ZNF641: variants seen among roughly 807,000 people sequenced by gnomAD.
The protein encoded by ZNF641 is zinc finger protein 641.
Under a neutral mutation model 46.2 loss-of-function variants are expected in ZNF641, and 26 were observed. That is an observed-to-expected ratio of 0.56 (90% CI 0.41 to 0.78). The LOEUF is 0.78. ZNF641 is among the 30% of genes least tolerant of loss of function. The probability of loss-of-function intolerance (pLI) is 0.00; values close to 1 mark genes in which losing one functional copy is unlikely to be tolerated. For synonymous variants in ZNF641, 163 were observed against 187.9 expected (o/e 0.87, Z 1.09); for missense variants, 469 against 517.8 (o/e 0.91, Z 0.91).
chr12:48,336,405 T>C (rs538971974), downstream of ZNF641, among the ~76,000 whole-genome samples: 24 of 152,320 alleles, frequency 1.6e-4, no homozygotes, highest in South Asian at 3.9e-3. Flanking sequence ...AGGAAACTTA[T>C]GAGGCCCAAG....
In ZNF641 at chr12:48,342,983, G is replaced by A; in HGVS notation, c.1265C>T (p.Ser422Phe). The change falls in exon 6 of 6, where the codon TCT becomes TTT. Residue 422 changes from serine (S) to phenylalanine (F), a missense_variant. Physicochemically the swap from Ser to Phe is radical, Grantham distance 155. Coordinates refer to ENST00000547026, the MANE Select transcript of ZNF641 (RefSeq NM_001172681.2). The stretch of plus-strand genomic sequence containing the variant: ...TAGTGGAAACAGATTTCAAAAGACA[G>A]ATGTTCCTCTGTCCCAGCTGTTCCG... ...SPRNSWDRGT[S>F]VF is the part of the protein sequence containing the mutation. The A allele has an allele frequency of 6.2e-7, 1 of 1,611,182 alleles. No homozygotes were observed. Among genetic ancestry groups the A allele is most frequent in the Non-Finnish European group, 8.5e-7 (1 of 1,178,466 alleles).
chr12:48,348,463 C>A (rs1452598398), intron 1 of ZNF641, among the ~76,000 whole-genome samples: 1 of 152,096 alleles, frequency 6.6e-6, no homozygotes, highest in Non-Finnish European at 1.5e-5. Context: ...ACATGAAGTA[C>A]AGGAAAGTAA....
At position 48,343,724 on chromosome 12, in the gene ZNF641, T is replaced by A; in HGVS notation, c.524A>T (p.Asp175Val). 6.8e-7 allele frequency: 1 copy of A among 1,473,740 alleles called. No homozygotes were observed. Among genetic ancestry groups the A allele is most frequent in the Non-Finnish European group, 9.0e-7 (1 of 1,109,840 alleles). The allele number at this position is 1,473,740 out of a possible 1,614,324, so 91.3% of individuals were successfully genotyped here. A position where few individuals can be genotyped will look rare whatever the true frequency, so the allele number is the denominator to read the frequency against. Residue 175 changes from aspartate to valine, a missense_variant, in exon 6 of 6, where the codon GAT becomes GTT. Asp to Val is a radical substitution (Grantham distance 152). This residue lies in a region of ZNF641 where 346 missense variants were observed against 354.0 expected (regional missense o/e 0.98). Coordinates refer to ENST00000547026, the MANE Select transcript of ZNF641 (RefSeq NM_001172681.2). Reference sequence around the variant, plus strand: ...GGTATCCCCCTCATGTTCACTTCCATCTCCTGCGGAGAAGGGGAAATACCA... The same window carrying A: ...GGTATCCCCCTCATGTTCACTTCCAACTCCTGCGGAGAAGGGGAAATACCA... Reference protein sequence around the residue: ...RDILRVTYTGDGSEHEGDTPE... With the variant: ...RDILRVTYTGVGSEHEGDTPE...
In ZNF641 at chr12:48,342,003, T is replaced by C; in HGVS notation, c.*970A>G. Reference sequence around the variant, plus strand: ...CCCAGAACACAGCCCCTAGAAAACCTAGCTTGTACAGTTTGCACATAGCAT... The same window carrying C: ...CCCAGAACACAGCCCCTAGAAAACCCAGCTTGTACAGTTTGCACATAGCAT... On this transcript the variant is annotated 3_prime_UTR_variant, in exon 6 of 6. Transcript: ENST00000547026. The C allele has an allele frequency of 1.0e-6, 1 of 985,428 alleles. No individual in the cohort carries two copies. Among genetic ancestry groups the C allele is most frequent in the Non-Finnish European group, 1.2e-6 (1 of 829,946 alleles). 61.0% of individuals were successfully genotyped at this position (985,428 alleles called of 1,614,324 possible).
At chr12:48,344,001 T>C (rs2136178635) in intron 5 of ZNF641, among the ~76,000 whole-genome samples, 1 of 152,362 alleles carries the variant, frequency 6.6e-6, no homozygotes. Context: ...ATAATACCTC[T>C]CTCTCCGGCA....
chr12:48,343,415 T>A lies in ZNF641; in HGVS notation c.833A>T (p.Tyr278Phe). Residue 278 changes from tyrosine (Y) to phenylalanine (F), a missense_variant, in exon 6 of 6, where the codon TAC (tyrosine) becomes TTC (phenylalanine). Around this residue, in one of 3 missense-constraint regions of ZNF641, gnomAD observed 346 missense variants for 354.0 expected, o/e 0.98. Transcript: ENST00000547026. Reference protein sequence around the residue: ...HQQTHTGERPYSCLKCEKTFG... With the variant: ...HQQTHTGERPFSCLKCEKTFG... ...GGTCTTCTCACACTTGAGGCAGCTG[T>A]AGGGTCTCTCCCCAGTGTGTGTTTG... 6.2e-7 allele frequency: 1 copy of A among 1,614,006 alleles called. No homozygotes were observed. The highest frequency in any genetic ancestry group is 8.5e-7 in the Non-Finnish European group (1 of 1,179,978).
chr12:48,348,312 C>A (rs567768827), intron 1 of ZNF641, among the ~76,000 whole-genome samples, 197 bp from the exon 2 acceptor site: 1 of 152,264 alleles, frequency 6.6e-6, no homozygotes, highest in Admixed American at 6.5e-5. Flanking sequence ...AAGAAATTGG[C>A]AGGTGCTACG....
intron 1 of ZNF641, among the ~76,000 whole-genome samples, chr12:48,348,675 A>G (rs900755668): frequency 1.3e-5 from 2 of 152,260 alleles, no homozygotes; most frequent in Non-Finnish European, 2.9e-5. Flanking sequence ...ACAAGCCTCA[A>G]TAAAAAGGCA....
chr12:48,346,312 TA>T (rs1425217419), intron 3 of ZNF641, among the ~76,000 whole-genome samples: 1 of 152,176 alleles, frequency 6.6e-6, no homozygotes, highest in African/African-American at 2.4e-5. Flanking sequence ...ACAAGTGCCT[TA>T]ATCTCTCCCT....
downstream of ZNF641, among the ~76,000 whole-genome samples, chr12:48,334,957 AC>A (rs1385360788): frequency 6.6e-6 from 1 of 152,218 alleles, no homozygotes; most frequent in African/African-American, 2.4e-5. Context: ...AGGCACAGGC[AC>A]CATAAATCAA....
Position 48,344,609 on chromosome 12 carries a change from G to A in ZNF641, c.510C>T (p.Val170=). ...ATTCTAGGTTCTTACCTGTATATGT[G>A]ACCCTCAGAATGTCCCTCTCCTCTA... The part of the protein sequence containing the change: ...QDLEERDILR[V]TYTGDGSEHE... Residue 170 remains valine (V), a synonymous_variant, in exon 5 of 6, where the codon GTC becomes GTT. Coordinates refer to ENST00000547026, the MANE Select transcript of ZNF641 (RefSeq NM_001172681.2). 1 of 1,608,622 alleles carries A rather than the reference G, an allele frequency of 6.2e-7. No individual in the cohort carries two copies. Among genetic ancestry groups the A allele is most frequent in the Non-Finnish European group, 8.5e-7 (1 of 1,175,122 alleles).
At position 48,341,749 on chromosome 12, in the gene ZNF641, T is replaced by G; in HGVS notation, c.*1224A>C. 1.0e-6 allele frequency: 1 copy of G among 985,424 alleles called. No homozygotes were observed. The highest frequency in any genetic ancestry group is 1.1e-4 in the East Asian group (1 of 8,818). 61.0% of individuals were successfully genotyped at this position (985,424 alleles called of 1,614,324 possible). On this transcript the variant is annotated 3_prime_UTR_variant, in exon 6 of 6. Coordinates refer to ENST00000547026, the MANE Select transcript of ZNF641 (RefSeq NM_001172681.2). The stretch of plus-strand genomic sequence containing the variant: ...TTGCCTGAAATCAACAAGAAACAGC[T>G]CACCTCCCCAAAGACTCCTCTTTCT...
intron 1 of ZNF641, among the ~76,000 whole-genome samples, chr12:48,348,768 G>A (rs763788789): frequency 2.6e-5 from 4 of 152,178 alleles, no homozygotes; most frequent in Non-Finnish European, 5.9e-5. Context: ...AGACTCCAAA[G>A]TAATCCTAAG....
intron 1 of ZNF641, chr12:48,350,264 G>A: frequency 7.0e-7 from 1 of 1,426,218 alleles, no homozygotes; most frequent in South Asian, 1.5e-5. Flanking sequence ...ACAGAAAAGG[G>A]GCCATGTTAT....
chr12:48,347,150 A>G (rs765890681), intron 3 of ZNF641, 102 bp downstream of exon 3: 3 of 1,591,796 alleles, frequency 1.9e-6, no homozygotes, highest in Admixed American at 3.5e-5. Flanking sequence ...TGAACATACC[A>G]TTGATGATCA....
In ZNF641 at chr12:48,342,548, T is replaced by C; in HGVS notation, c.*425A>G. ...TCAGTTGGGTCTACTGCAGAAATTT[T>C]CAGAGCCTTTAATATTCTAAAATGG... On this transcript the variant is annotated 3_prime_UTR_variant, in exon 6 of 6. Coordinates refer to ENST00000547026, the MANE Select transcript of ZNF641 (RefSeq NM_001172681.2). The C allele has an allele frequency of 1.7e-6, 1 of 575,546 alleles. No homozygotes were observed. The highest frequency in any genetic ancestry group is 2.2e-6 in the Non-Finnish European group (1 of 451,408). 35.7% of individuals were successfully genotyped at this position (575,546 alleles called of 1,614,324 possible).
Position 48,343,625 on chromosome 12 carries a change from T to G in ZNF641, c.623A>C (p.His208Pro), listed in dbSNP as rs1952781822. The G allele has an allele frequency of 5.0e-6, 8 of 1,598,686 alleles. No homozygotes were observed. The highest frequency in any genetic ancestry group is 6.8e-6 in the Non-Finnish European group (8 of 1,172,118). The part of the protein sequence containing the change: ...SEDTVLWNPE[H>P]DESWDSMPSS... Reference sequence around the variant, plus strand: ...GGGCATGGAATCCCAGCTCTCATCATGCTCCGGGTTCCAGAGAACAGTATC... The same window carrying G: ...GGGCATGGAATCCCAGCTCTCATCAGGCTCCGGGTTCCAGAGAACAGTATC... The change falls in exon 6 of 6, where the codon CAT (histidine) becomes CCT (proline). Residue 208 changes from histidine (H) to proline (P), a missense_variant. Around this residue, in one of 3 missense-constraint regions of ZNF641, gnomAD observed 346 missense variants for 354.0 expected, o/e 0.98. Transcript: ENST00000547026.
chr12:48,350,936 G>C (rs1291931308), upstream of ZNF641: 9 of 869,158 alleles, frequency 1.0e-5, no homozygotes, highest in Non-Finnish European at 1.1e-5. Context: ...GGGGCGGGGC[G>C]GGCACAGGAA....
chr12:48,344,685 A>G lies in ZNF641; in HGVS notation c.434T>C (p.Leu145Pro). ...TTCTTCTCCTCCTTCTAGTTGAGAA[A>G]GCATGTCCAGTTTGGGAATTGGAAA... is the stretch of plus-strand genomic sequence containing the variant. The part of the protein sequence containing the change: ...LRFPIPKLDM[L>P]SQLEGGEEQW... Residue 145 changes from leucine (L) to proline (P), a missense_variant, in exon 5 of 6, where the codon CTT (leucine) becomes CCT (proline). By Grantham distance (98) the Leu-to-Pro change is moderately conservative (BLOSUM62 -3). Around this residue, in one of 3 missense-constraint regions of ZNF641, gnomAD observed 346 missense variants for 354.0 expected, o/e 0.98. Transcript: ENST00000547026. 1 of 1,612,180 alleles carries G rather than the reference A, an allele frequency of 6.2e-7. No homozygotes were observed. The highest frequency in any genetic ancestry group is 8.5e-7 in the Non-Finnish European group (1 of 1,179,446).
Sources: gnomAD v4.1 joint callset for allele counts (sites outside exome capture counted in the v4.1 genomes callset) on GRCh38, gnomAD v4.1.1 for gene constraint, gnomAD v4.1.1 regional missense constraint, MANE v1.5 for transcripts, NCBI Gene and HGNC (gene_info 2026-07-23, HGNC 2026-07-21) for gene names.